Variants in CRYBG3 observed in about 807,000 individuals in gnomAD.
CRYBG3 encodes very large A-kinase anchor protein.
CRYBG3 carries 127 observed loss-of-function variants against 244.2 expected under a neutral mutation model. The observed-to-expected ratio is 0.52, with a 90% CI of 0.45 to 0.60. CRYBG3 has a LOEUF of 0.60. Among genes scored for constraint, CRYBG3 ranks in the 20% least tolerant of loss-of-function variants. The pLI is 0.00. For synonymous variants in CRYBG3, 1,132 were observed against 1,195.8 expected (o/e 0.95, Z 1.10); for missense variants, 3,325 against 3,442.5 (o/e 0.97, Z 0.85).
intron 12 of CRYBG3, among the ~76,000 whole-genome samples, chr3:97,896,755 G>A (rs1329884493): frequency 1.3e-5 from 2 of 152,140 alleles, no homozygotes; most frequent in Admixed American, 6.6e-5. Context: ...CATCTAGAGG[G>A]TAGAGGCAAC....
intron 3 of CRYBG3, among the ~76,000 whole-genome samples, chr3:97,866,076 G>A (rs1318931774): frequency 6.6e-6 from 1 of 152,056 alleles, no homozygotes; most frequent in African/African-American, 2.4e-5. Context: ...CTGTTAATAA[G>A]TGAAAAAACA....
At chr3:97,934,543 A>G (rs1290134732) in intron 18 of CRYBG3, among the ~76,000 whole-genome samples, 1 of 152,114 alleles carries the variant, frequency 6.6e-6, no homozygotes, top group Non-Finnish European at 1.5e-5. Flanking sequence ...GGTTAATAAA[A>G]AAATGGCTTT....
chr3:97,933,783 G>C lies in CRYBG3; in HGVS notation c.8331G>C (p.Leu2777=). The C allele has an allele frequency of 6.2e-7, 1 of 1,612,832 alleles. No homozygotes were observed. The highest frequency in any genetic ancestry group is 8.5e-7 in the Non-Finnish European group (1 of 1,179,186). The change falls in exon 18 of 22, where the codon CTG becomes CTC. Residue 2777 remains leucine, a synonymous_variant. Transcript: ENST00000389622. ...LHLEEAVNSV[L]NKDLHFYTQS... ...TAGAAGAGGCTGTGAACTCTGTTCT[G>C]AACAAGGACCTACACTTCTACACCC...
intron 16 of CRYBG3, among the ~76,000 whole-genome samples, chr3:97,913,417 G>T (rs1314973875): frequency 6.6e-6 from 1 of 152,158 alleles, no homozygotes; most frequent in Non-Finnish European, 1.5e-5. Flanking sequence ...CACAGGCTCT[G>T]TCCCAGCTAC....
intron 16 of CRYBG3, 73 bp from the exon 17 acceptor site, chr3:97,915,537 C>T: frequency 6.7e-7 from 1 of 1,494,000 alleles, no homozygotes; most frequent in Non-Finnish European, 9.1e-7. Flanking sequence ...ACCCCAATTC[C>T]CACAGCATGA....
chr3:97,893,332 T>A (rs543797172), intron 11 of CRYBG3, among the ~76,000 whole-genome samples: 2 of 152,346 alleles, frequency 1.3e-5, no homozygotes, highest in East Asian at 3.9e-4. Flanking sequence ...ATTTTGTTGA[T>A]CATACTTGAC....
rs542089352 is a variant in CRYBG3, at chr3:97,886,959, A to AT, written c.7289+194dup. ...TATGACTCACAGGAGCAGGTATAGA[A>AT]TTCTGAGATGTAGTTCTTGATATAT... On this transcript the variant is annotated intron_variant, in intron 8 of 21. Transcript: ENST00000389622. 9.7e-4 allele frequency among the ~76,000 whole-genome samples: 148 copies of AT among 152,344 alleles called. 1 individual carries two copies. The highest frequency in any genetic ancestry group is 8.2e-4 in the Non-Finnish European group (56 of 68,026).
chr3:97,836,882 T>C (rs2038741741), intron 1 of CRYBG3: 1 of 152,200 alleles, frequency 6.6e-6, no homozygotes, highest in South Asian at 2.1e-4. Context: ...TTCTCATCTT[T>C]TACCAGAAAA....
chr3:97,904,336 C>A (rs1015312479), intron 15 of CRYBG3, among the ~76,000 whole-genome samples: 4 of 152,064 alleles, frequency 2.6e-5, no homozygotes, highest in Admixed American at 6.6e-5. Flanking sequence ...AAGCATTTAA[C>A]CCAGTTTTTA....
intron 6 of CRYBG3, 116 bp downstream of exon 6, chr3:97,880,216 C>T (rs889185289): frequency 2.3e-5 from 13 of 564,300 alleles, no homozygotes; most frequent in Non-Finnish European, 3.4e-5. Flanking sequence ...CTCTACTTTT[C>T]GACAGAAGAT....
At chr3:97,926,045 G>A (rs2040037507) in intron 17 of CRYBG3, among the ~76,000 whole-genome samples, 1 of 151,724 alleles carries the variant, frequency 6.6e-6, no homozygotes, top group Non-Finnish European at 1.5e-5. Context: ...AGTGACCCTG[G>A]GCGTGTTTCT....
rs1559727531 is a variant in CRYBG3 at position 97,873,539 on chromosome 3, G to A, written c.2345G>A (p.Arg782Lys). The A allele has an allele frequency of 6.5e-7, 1 of 1,535,958 alleles. No individual in the cohort carries two copies. The highest frequency in any genetic ancestry group is 1.2e-5 in the South Asian group (1 of 84,048). Residue 782 changes from arginine (R) to lysine (K), a missense_variant, in exon 4 of 22, where the codon AGA becomes AAA. Around this residue, in one of 4 missense-constraint regions of CRYBG3, gnomAD observed 1,526 missense variants for 1,443.2 expected, o/e 1.06. Transcript: ENST00000389622. ...TCCATTTTATCTCAAGACCCTAATA[G>A]AGTAGAGTTAGTGTCTTCAAACACT... ...CSSILSQDPN[R>K]VELVSSNTKA...
rs529088290 is a variant in CRYBG3 at position 97,878,819 on chromosome 3, TG to T, written c.6843+783del. On this transcript the variant is annotated intron_variant, in intron 4 of 21. Transcript: ENST00000389622. ...AGCAACCTAAATCAAACAAAAGAAC[TG>T]AAAACTTTATAGCTGGAAAATGTTT... Among the ~76,000 whole-genome samples the T allele has an allele frequency of 2.5e-3, 381 of 152,332 alleles. 1 individual carries two copies. The highest frequency in any genetic ancestry group is 7.9e-3 in the African/African-American group (328 of 41,574).
At chr3:97,923,847 C>T (rs1419697778) in intron 17 of CRYBG3, among the ~76,000 whole-genome samples, 1 of 151,910 alleles carries the variant, frequency 6.6e-6, no homozygotes, top group Non-Finnish European at 1.5e-5. Flanking sequence ...TAAAAGGACT[C>T]AATATTGTAA....
intron 1 of CRYBG3, among the ~76,000 whole-genome samples, chr3:97,824,792 T>C (rs1254955159): frequency 6.6e-6 from 1 of 152,112 alleles, no homozygotes; most frequent in Admixed American, 6.5e-5. Flanking sequence ...TTTTAGATGA[T>C]AAAAAGGAAA....
intron 17 of CRYBG3, among the ~76,000 whole-genome samples, chr3:97,931,739 C>G (rs1056538652): frequency 1.3e-5 from 2 of 152,062 alleles, no homozygotes; most frequent in African/African-American, 4.8e-5. Flanking sequence ...CTTACTGATT[C>G]CATTTGTTTG....
intron 1 of CRYBG3, among the ~76,000 whole-genome samples, chr3:97,837,818 C>G (rs925962921): frequency 6.6e-6 from 1 of 152,146 alleles, no homozygotes; most frequent in Non-Finnish European, 1.5e-5. Flanking sequence ...AAGAGGTAAG[C>G]AAGCCTCTAG....
At chr3:97,889,848 C>T (rs753721379) in intron 10 of CRYBG3, among the ~76,000 whole-genome samples, 38 of 151,888 alleles carry the variant, frequency 2.5e-4, no homozygotes, top group Non-Finnish European at 4.6e-4. Flanking sequence ...GGAAAAGTAG[C>T]GGCGAGGCAA....
chr3:97,848,612 T>A lies in CRYBG3; in HGVS notation c.216+5351T>A, dbSNP rs184453390. ...CACTGCACCCAGCCTGTTTGTTTTCTAACAGACAGGTCTTGCTATGTCTGT... is the reference window on the plus strand; with the variant it reads ...CACTGCACCCAGCCTGTTTGTTTTCAAACAGACAGGTCTTGCTATGTCTGT... On this transcript the variant is annotated intron_variant, in intron 2 of 21. Transcript: ENST00000389622. Among the ~76,000 whole-genome samples the A allele has an allele frequency of 4.5e-3, 680 of 152,230 alleles. 2 individuals are homozygous for A. Among genetic ancestry groups the A allele is most frequent in the African/African-American group, 0.015 (619 of 41,544 alleles).
Sources: allele counts gnomAD v4.1 joint callset (sites outside exome capture counted in the v4.1 genomes callset), GRCh38; gene constraint gnomAD v4.1.1; regional missense constraint gnomAD v4.1.1; transcripts MANE v1.5; gene names NCBI Gene and HGNC (gene_info 2026-07-23, HGNC 2026-07-21).